Variants in GSX1 observed in about 807,000 individuals in gnomAD.
GSX1 encodes GS homeobox 1.
GSX1 carries 13 observed loss-of-function variants against 17.7 expected under a neutral mutation model. The ratio of observed to expected loss-of-function variants is 0.74; its 90% CI spans 0.48 to 1.17. The LOEUF (loss-of-function observed/expected upper bound fraction) is 1.17, where lower values mean the gene tolerates loss of function less well. Among genes scored for constraint, GSX1 ranks in the 50% most tolerant of loss-of-function variants. The pLI is 0.00. For synonymous variants in GSX1, 202 were observed against 176.2 expected, an observed-to-expected ratio of 1.15 and a Z score of -1.16; for missense variants, 371 against 372.1, an observed-to-expected ratio of 1.00 and a Z score of 0.02.
rs567910687 is a variant in GSX1, at chr13:27,792,898, C to A, written c.208C>A (p.Pro70Thr). 2 of 1,524,488 alleles carry A rather than the reference C, an allele frequency of 1.3e-6. No individual in the cohort carries two copies. The highest frequency in any genetic ancestry group is 2.0e-5 in the Admixed American group (1 of 50,084). 94.4% of individuals were successfully genotyped at this position (1,524,488 alleles called of 1,614,324 possible). A position where few individuals can be genotyped will look rare whatever the true frequency, so the allele number is the denominator to read the frequency against. The change falls in exon 1 of 2, where the codon CCC becomes ACC. Residue 70 changes from proline (P) to threonine (T), a missense_variant. Transcript: ENST00000302945. ...LCVTASQLHG[P>T]PGPPALPLLK... ...CGTCACCGCCTCGCAGCTGCATGGG[C>A]CCCCCGGGCCGCCCGCGCTGCCTCT...
In GSX1 at chr13:27,793,826, G is replaced by A. The variant is rs777461016; in HGVS notation, c.673G>A (p.Ala225Thr). 3.1e-6 allele frequency: 5 copies of A among 1,612,482 alleles called. No homozygotes were observed. The South Asian group carries it at 5.5e-5, about 18-fold the overall frequency. ...CGGGGGTGCCGGTGGTGGCGGGAGCGCACCGCAAGGCTGCAAGTGCGCATC... is the reference window on the plus strand; with the variant it reads ...CGGGGGTGCCGGTGGTGGCGGGAGCACACCGCAAGGCTGCAAGTGCGCATC... ...GGGGAGGGGS[A>T]PQGCKCASLS... Residue 225 changes from alanine to threonine, a missense_variant, in exon 2 of 2, where the codon GCA (alanine) becomes ACA (threonine). Coordinates refer to ENST00000302945, the MANE Select transcript of GSX1 (RefSeq NM_145657.3). This position sits in a 1 kb window ranked among gnomAD's most constrained non-coding sequence, Gnocchi z 6.2.
Position 27,793,848 on chromosome 13 carries a change from C to T in GSX1, c.695C>T (p.Ala232Val), listed in dbSNP as rs1468388079. 22 of 1,610,282 alleles carry T rather than the reference C, an allele frequency of 1.4e-5. No individual in the cohort carries two copies. Among genetic ancestry groups the T allele is most frequent in the Non-Finnish European group, 1.8e-5 (21 of 1,177,786 alleles). Residue 232 changes from alanine to valine, a missense_variant, in exon 2 of 2, where the codon GCA becomes GTA. This residue lies in a region of GSX1 where 92 missense variants were observed against 70.0 expected (regional missense o/e 1.31). Coordinates refer to ENST00000302945, the MANE Select transcript of GSX1 (RefSeq NM_145657.3). The surrounding 1 kb of genome is among the most constrained non-coding windows in gnomAD (Gnocchi z 6.2). ...GGSAPQGCKC[A>V]SLSSAKCSED... The stretch of plus-strand genomic sequence containing the variant: ...AGCGCACCGCAAGGCTGCAAGTGCG[C>T]ATCGCTCTCCTCAGCCAAGTGCTCC...
At position 27,792,699 on chromosome 13, in the gene GSX1, C is replaced by A; in HGVS notation, c.9C>A (p.Arg3=). 1 of 1,410,422 alleles carries A rather than the reference C, an allele frequency of 7.1e-7. No homozygotes were observed. The highest frequency in any genetic ancestry group is 9.2e-7 in the Non-Finnish European group (1 of 1,090,704). The allele number at this position is 1,410,422 out of a possible 1,614,324, so 87.4% of individuals were successfully genotyped here. A position where few individuals can be genotyped will look rare whatever the true frequency, so the allele number is the denominator to read the frequency against. The change falls in exon 1 of 2, where the codon CGC becomes CGA. Residue 3 remains arginine, a synonymous_variant. Transcript: ENST00000302945. MP[R]SFLVDSLVLR... is the part of the protein sequence containing the mutation. ...GACCGCGCGCCGGGGCCATGCCGCG[C>A]TCCTTCCTGGTGGACTCGCTAGTGC...
chr13:27,794,086 C>T lies in GSX1; in HGVS notation c.*138C>T, dbSNP rs1957085533. 2 of 961,086 alleles carry T rather than the reference C, an allele frequency of 2.1e-6. No individual in the cohort carries two copies. Among genetic ancestry groups the T allele is most frequent in the Admixed American group, 2.9e-5 (1 of 34,586 alleles). 59.5% of individuals were successfully genotyped at this position (961,086 alleles called of 1,614,324 possible). A position where few individuals can be genotyped will look rare whatever the true frequency, so the allele number is the denominator to read the frequency against. On this transcript the variant is annotated 3_prime_UTR_variant, in exon 2 of 2. Transcript: ENST00000302945. ...ATTTGGCACTGCTTTGCAGAGGTCCCGGGCCTGGGCAGGGCTGAGAGCTTG... is the reference window on the plus strand; with the variant it reads ...ATTTGGCACTGCTTTGCAGAGGTCCTGGGCCTGGGCAGGGCTGAGAGCTTG...
chr13:27,794,156 T>C lies in GSX1; in HGVS notation c.*208T>C. The C allele has an allele frequency of 1.7e-6, 1 of 583,878 alleles. No individual in the cohort carries two copies. The highest frequency in any genetic ancestry group is 2.9e-6 in the Non-Finnish European group (1 of 342,540). The allele number at this position is 583,878 out of a possible 1,614,324, so 36.2% of individuals were successfully genotyped here. A position where few individuals can be genotyped will look rare whatever the true frequency, so the allele number is the denominator to read the frequency against. On this transcript the variant is annotated 3_prime_UTR_variant, in exon 2 of 2. Coordinates refer to ENST00000302945, the MANE Select transcript of GSX1 (RefSeq NM_145657.3). ...GTCCCCGCCCCAGGGCTCGCTCGTG[T>C]CCAAAGCCAACTCCAAGCTGTGAAC...
In GSX1 at chr13:27,792,617, A is replaced by G; in HGVS notation, c.-74A>G. ...AGCTGCGGGATACCGCGGCCAGGGA[A>G]AGCGCGTGGAGAGCCGAAAGGTGCG... On this transcript the variant is annotated 5_prime_UTR_variant, in exon 1 of 2. Coordinates refer to ENST00000302945, the MANE Select transcript of GSX1 (RefSeq NM_145657.3). The G allele has an allele frequency of 8.1e-7, 1 of 1,237,086 alleles. No individual in the cohort carries two copies. Among genetic ancestry groups the G allele is most frequent in the Non-Finnish European group, 1.0e-6 (1 of 963,426 alleles). The allele number at this position is 1,237,086 out of a possible 1,614,324, so 76.6% of individuals were successfully genotyped here. A position where few individuals can be genotyped will look rare whatever the true frequency, so the allele number is the denominator to read the frequency against.
Position 27,792,695 on chromosome 13 carries a change from C to T in GSX1, c.5C>T (p.Pro2Leu), listed in dbSNP as rs1593330107. 2.9e-6 allele frequency: 4 copies of T among 1,403,072 alleles called. No homozygotes were observed. The highest frequency in any genetic ancestry group is 1.6e-5 in the South Asian group (1 of 63,922). The allele number at this position is 1,403,072 out of a possible 1,614,324, so 86.9% of individuals were successfully genotyped here. A position where few individuals can be genotyped will look rare whatever the true frequency, so the allele number is the denominator to read the frequency against. The change falls in exon 1 of 2, where the codon CCG (proline) becomes CTG (leucine). Residue 2 changes from proline (P) to leucine (L), a missense_variant. Physicochemically the swap from Pro to Leu is moderately conservative, Grantham distance 98. Coordinates refer to ENST00000302945, the MANE Select transcript of GSX1 (RefSeq NM_145657.3). ...GGGCGACCGCGCGCCGGGGCCATGC[C>T]GCGCTCCTTCCTGGTGGACTCGCTA... M[P>L]RSFLVDSLVL...
chr13:27,792,695 C>G lies in GSX1; in HGVS notation c.5C>G (p.Pro2Arg). 7.1e-7 allele frequency: 1 copy of G among 1,403,072 alleles called. No individual in the cohort carries two copies. The allele number at this position is 1,403,072 out of a possible 1,614,324, so 86.9% of individuals were successfully genotyped here. ...GGGCGACCGCGCGCCGGGGCCATGC[C>G]GCGCTCCTTCCTGGTGGACTCGCTA... M[P>R]RSFLVDSLVL... is the part of the protein sequence containing the mutation. Residue 2 changes from proline to arginine, a missense_variant, in exon 1 of 2, where the codon CCG becomes CGG. Pro to Arg is a moderately radical substitution (Grantham distance 103). Around this residue, in one of 3 missense-constraint regions of GSX1, gnomAD observed 212 missense variants for 193.9 expected, o/e 1.09. Coordinates refer to ENST00000302945, the MANE Select transcript of GSX1 (RefSeq NM_145657.3).
rs1159882667 is a variant in GSX1 at position 27,793,822 on chromosome 13, G to A, written c.669G>A (p.Gly223=). 10 of 1,612,988 alleles carry A rather than the reference G, an allele frequency of 6.2e-6. No homozygotes were observed. Among genetic ancestry groups the A allele is most frequent in the Admixed American group, 1.7e-5 (1 of 59,944 alleles). The change falls in exon 2 of 2, where the codon GGG becomes GGA. Residue 223 remains glycine, a synonymous_variant. Coordinates refer to ENST00000302945, the MANE Select transcript of GSX1 (RefSeq NM_145657.3). The surrounding 1 kb of genome is among the most constrained non-coding windows in gnomAD (Gnocchi z 6.2). The stretch of plus-strand genomic sequence containing the variant: ...GCGGCGGGGGTGCCGGTGGTGGCGG[G>A]AGCGCACCGCAAGGCTGCAAGTGCG... ...GGGGGGAGGG[G]SAPQGCKCAS... is the part of the protein sequence containing the mutation.
chr13:27,793,961 C>G lies in GSX1; in HGVS notation c.*13C>G. The G allele has an allele frequency of 3.9e-6, 6 of 1,531,770 alleles. No homozygotes were observed. In the South Asian group the frequency reaches 7.7e-5, roughly 20 times the overall value. The allele number at this position is 1,531,770 out of a possible 1,614,324, so 94.9% of individuals were successfully genotyped here. Reference sequence around the variant, plus strand: ...GGTCACTCCCTAGGCGCGTGTCTCCCTAGGTCGCCCACCCCAAGACCTCCC... The same window carrying G: ...GGTCACTCCCTAGGCGCGTGTCTCCGTAGGTCGCCCACCCCAAGACCTCCC... On this transcript the variant is annotated 3_prime_UTR_variant, in exon 2 of 2. Transcript: ENST00000302945. The surrounding 1 kb of genome is among the most constrained non-coding windows in gnomAD (Gnocchi z 6.2).
At position 27,792,546 on chromosome 13, in the gene GSX1, T is replaced by C; in HGVS notation, c.-145T>C. ...GTGCCCACGGCAGCAGAGGCTACTG[T>C]TTCAGCCTAGGTCTCAGCCGCGCGT... On this transcript the variant is annotated 5_prime_UTR_variant, in exon 1 of 2. Coordinates refer to ENST00000302945, the MANE Select transcript of GSX1 (RefSeq NM_145657.3). 1.5e-6 allele frequency: 1 copy of C among 676,730 alleles called. No homozygotes were observed. The allele number at this position is 676,730 out of a possible 1,614,324, so 41.9% of individuals were successfully genotyped here. A position where few individuals can be genotyped will look rare whatever the true frequency, so the allele number is the denominator to read the frequency against.
In GSX1 at chr13:27,793,683, G is replaced by A; in HGVS notation, c.530G>A (p.Arg177His). The A allele has an allele frequency of 6.2e-7, 1 of 1,614,198 alleles. No homozygotes were observed. The highest frequency in any genetic ancestry group is 1.1e-5 in the South Asian group (1 of 91,088). ...AATATGTACCTGTCCCGCCTACGTCGCATCGAGATCGCGACCTACCTGAAT... is the reference window on the plus strand; with the variant it reads ...AATATGTACCTGTCCCGCCTACGTCACATCGAGATCGCGACCTACCTGAAT... ...ASNMYLSRLR[R>H]IEIATYLNLS... Residue 177 changes from arginine (R) to histidine (H), a missense_variant, in exon 2 of 2, where the codon CGC (arginine) becomes CAC (histidine). By Grantham distance (29) the Arg-to-His change is conservative. Coordinates refer to ENST00000302945, the MANE Select transcript of GSX1 (RefSeq NM_145657.3). The surrounding 1 kb of genome is among the most constrained non-coding windows in gnomAD (Gnocchi z 6.2).
rs201023149 is a variant in GSX1 at position 27,793,117 on chromosome 13, C to A, written c.412+15C>A. On this transcript the variant is annotated intron_variant, in intron 1 of 1. Transcript: ENST00000302945. The surrounding 1 kb of genome is among the most constrained non-coding windows in gnomAD (Gnocchi z 6.2). ...CATCTCTGTGGGTAAGCGGGGCCGCCGCGCAGAGGGACCGGGCAGAGGTGA... is the reference window on the plus strand; with the variant it reads ...CATCTCTGTGGGTAAGCGGGGCCGCAGCGCAGAGGGACCGGGCAGAGGTGA... 28 of 1,520,552 alleles carry A rather than the reference C, an allele frequency of 1.8e-5. No individual in the cohort carries two copies. In the East Asian group the frequency reaches 4.1e-4, roughly 22 times the overall value. 94.2% of individuals were successfully genotyped at this position (1,520,552 alleles called of 1,614,324 possible).
Position 27,793,720 on chromosome 13 carries a change from G to T in GSX1, c.567G>T (p.Lys189Asn), listed in dbSNP as rs1426926146. 2.5e-6 allele frequency: 4 copies of T among 1,614,108 alleles called. No homozygotes were observed. Among genetic ancestry groups the T allele is most frequent in the Non-Finnish European group, 3.4e-6 (4 of 1,180,052 alleles). The change falls in exon 2 of 2, where the codon AAG becomes AAT. Residue 189 changes from lysine (K) to asparagine (N), a missense_variant. By Grantham distance (94) the Lys-to-Asn change is moderately conservative (BLOSUM62 0). Transcript: ENST00000302945. This position sits in a 1 kb window ranked among gnomAD's most constrained non-coding sequence, Gnocchi z 6.2. ...CGACCTACCTGAATCTGTCCGAGAAGCAGGTGAAGATCTGGTTTCAGAACC... is the reference window on the plus strand; with the variant it reads ...CGACCTACCTGAATCTGTCCGAGAATCAGGTGAAGATCTGGTTTCAGAACC... ...EIATYLNLSE[K>N]QVKIWFQNRR...
At position 27,793,916 on chromosome 13, in the gene GSX1, A is replaced by G. The variant is rs769206811; in HGVS notation, c.763A>G (p.Lys255Glu). The G allele has an allele frequency of 6.4e-7, 1 of 1,567,080 alleles. No individual in the cohort carries two copies. The highest frequency in any genetic ancestry group is 8.7e-7 in the Non-Finnish European group (1 of 1,154,464). The part of the protein sequence containing the change: ...ELPMSPSSSG[K>E]DDRDLTVTP ...GCCCATGTCTCCGTCCTCCTCAGGG[A>G]AGGACGACCGGGATCTTACGGTCAC... Residue 255 changes from lysine to glutamate, a missense_variant, in exon 2 of 2, where the codon AAG (lysine) becomes GAG (glutamate). Around this residue, in one of 3 missense-constraint regions of GSX1, gnomAD observed 92 missense variants for 70.0 expected, o/e 1.31. Coordinates refer to ENST00000302945, the MANE Select transcript of GSX1 (RefSeq NM_145657.3). This position sits in a 1 kb window ranked among gnomAD's most constrained non-coding sequence, Gnocchi z 6.2.
Position 27,793,504 on chromosome 13 carries a change from C to A in GSX1, c.413-62C>A. ...TCGTAGGATTCTGGCGACCGCCTAC[C>A]AAGGGATTGGGTCCACAGCACAGAG... On this transcript the variant is annotated intron_variant, in intron 1 of 1. Coordinates refer to ENST00000302945, the MANE Select transcript of GSX1 (RefSeq NM_145657.3). The surrounding 1 kb of genome is among the most constrained non-coding windows in gnomAD (Gnocchi z 6.2). 1 of 1,518,314 alleles carries A rather than the reference C, an allele frequency of 6.6e-7. No homozygotes were observed. The highest frequency in any genetic ancestry group is 8.8e-7 in the Non-Finnish European group (1 of 1,132,380). The allele number at this position is 1,518,314 out of a possible 1,614,324, so 94.1% of individuals were successfully genotyped here.
At position 27,793,830 on chromosome 13, in the gene GSX1, C is replaced by T. The variant is rs770470995; in HGVS notation, c.677C>T (p.Pro226Leu). The T allele has an allele frequency of 2.5e-6, 4 of 1,612,322 alleles. No individual in the cohort carries two copies. The highest frequency in any genetic ancestry group is 2.5e-6 in the Non-Finnish European group (3 of 1,179,064). Residue 226 changes from proline to leucine, a missense_variant, in exon 2 of 2, where the codon CCG (proline) becomes CTG (leucine). Physicochemically the swap from Pro to Leu is moderately conservative, Grantham distance 98. Coordinates refer to ENST00000302945, the MANE Select transcript of GSX1 (RefSeq NM_145657.3). The surrounding 1 kb of genome is among the most constrained non-coding windows in gnomAD (Gnocchi z 6.2). ...GGTGCCGGTGGTGGCGGGAGCGCAC[C>T]GCAAGGCTGCAAGTGCGCATCGCTC... ...GGGAGGGGSA[P>L]QGCKCASLSS... is the part of the protein sequence containing the mutation.
At position 27,794,090 on chromosome 13, in the gene GSX1, C is replaced by A; in HGVS notation, c.*142C>A. The A allele has an allele frequency of 2.1e-6, 2 of 941,534 alleles. No individual in the cohort carries two copies. The highest frequency in any genetic ancestry group is 3.1e-6 in the Non-Finnish European group (2 of 649,008). 58.3% of individuals were successfully genotyped at this position (941,534 alleles called of 1,614,324 possible). A position where few individuals can be genotyped will look rare whatever the true frequency, so the allele number is the denominator to read the frequency against. On this transcript the variant is annotated 3_prime_UTR_variant, in exon 2 of 2. Coordinates refer to ENST00000302945, the MANE Select transcript of GSX1 (RefSeq NM_145657.3). The stretch of plus-strand genomic sequence containing the variant: ...GGCACTGCTTTGCAGAGGTCCCGGG[C>A]CTGGGCAGGGCTGAGAGCTTGGCAG...
chr13:27,793,054 A>T lies in GSX1; in HGVS notation c.364A>T (p.Thr122Ser), dbSNP rs560861673. ...AAAAAAALYQ[T>S]SYPLPDPRQF... ...TGCTGCTGCCGCCGCGCTCTACCAGACCTCCTACCCGCTGCCTGACCCCAG... is the reference window on the plus strand; with the variant it reads ...TGCTGCTGCCGCCGCGCTCTACCAGTCCTCCTACCCGCTGCCTGACCCCAG... Residue 122 changes from threonine to serine, a missense_variant, in exon 1 of 2, where the codon ACC becomes TCC. This residue lies in a region of GSX1 where 212 missense variants were observed against 193.9 expected (regional missense o/e 1.09). Transcript: ENST00000302945. The surrounding 1 kb of genome is among the most constrained non-coding windows in gnomAD (Gnocchi z 6.2). The T allele has an allele frequency of 7.3e-4, 1,152 of 1,582,174 alleles. 25 individuals are homozygous for T. The South Asian group carries it at 0.012, about 17-fold the overall frequency.
Sources: allele counts gnomAD v4.1 joint callset, GRCh38; gene constraint gnomAD v4.1.1; regional missense constraint gnomAD v4.1.1; non-coding constraint Gnocchi (gnomAD v3.1); transcripts MANE v1.5; gene names NCBI Gene and HGNC (gene_info 2026-07-23, HGNC 2026-07-21).